FILIP1L: variants seen among roughly 807,000 people sequenced by gnomAD.
FILIP1L encodes filamin A-interacting protein 1-like.
A neutral mutation model predicts 96.6 loss-of-function variants in FILIP1L; 55 were observed. The ratio of observed to expected loss-of-function variants is 0.57; its 90% CI spans 0.46 to 0.71. The LOEUF (loss-of-function observed/expected upper bound fraction) is 0.71. Ranked by LOEUF, FILIP1L falls within the 30% of genes least tolerant of loss-of-function variation. The pLI is 0.00. For missense variants in FILIP1L, 1,304 were observed against 1,321.2 expected (o/e 0.99, Z 0.20); for synonymous variants, 467 against 473.9 (o/e 0.99, Z 0.19).
At chr3:99,995,038 C>T (rs1409273543) in intron 1 of FILIP1L, among the ~76,000 whole-genome samples, 1 of 152,168 alleles carries the variant, frequency 6.6e-6, no homozygotes, top group Non-Finnish European at 1.5e-5. Flanking sequence ...ATCATGCCTT[C>T]CCAACAGCAC....
rs1232702500 is a variant in FILIP1L, at chr3:100,098,348, C to G, written c.-11+15705G>C. On this transcript the variant is annotated intron_variant, in intron 1 of 5. Transcript: ENST00000477258. ...TTGAATGCCATTTCCACCATTTAAA[C>G]TGCTCTTTGACCTTAGGCCAGTTAC... Among the ~76,000 whole-genome samples, 2 of 152,196 alleles carry G rather than the reference C, an allele frequency of 1.3e-5. 1 individual carries two copies. Among genetic ancestry groups the G allele is most frequent in the East Asian group, 3.8e-4 (2 of 5,198 alleles).
chr3:99,894,160 G>C (rs988385396), intron 4 of FILIP1L, among the ~76,000 whole-genome samples: 2 of 152,230 alleles, frequency 1.3e-5, no homozygotes, highest in Non-Finnish European at 2.9e-5. Flanking sequence ...GCTAGGAGTT[G>C]GTTGGAGAGG....
chr3:99,954,863 G>A (rs1708275651), intron 1 of FILIP1L, among the ~76,000 whole-genome samples: 1 of 152,056 alleles, frequency 6.6e-6, no homozygotes, highest in Admixed American at 6.6e-5. Context: ...CAGACTGTTA[G>A]GATTATTGTT....
At chr3:100,001,337 C>T (rs959838273) in intron 1 of FILIP1L, among the ~76,000 whole-genome samples, 1 of 152,180 alleles carries the variant, frequency 6.6e-6, no homozygotes, top group African/African-American at 2.4e-5. Flanking sequence ...GACGCAGTGT[C>T]AGAGGTGAGT....
rs192963407 is a variant in FILIP1L, at chr3:99,949,875, G to A, written c.-10-18845C>T. ...AAAATCCATCACAATTATTACCAAG[G>A]ACATTCTTAATCAGCTGTGTGTGTG... On this transcript the variant is annotated intron_variant, in intron 1 of 5. Coordinates refer to ENST00000477258, the MANE Select transcript of FILIP1L (RefSeq NM_001387850.1). Among the ~76,000 whole-genome samples, 5 of 152,234 alleles carry A rather than the reference G, an allele frequency of 3.3e-5. No individual in the cohort carries two copies. In the East Asian group the frequency reaches 7.7e-4, roughly 23 times the overall value.
intron 1 of FILIP1L, among the ~76,000 whole-genome samples, chr3:100,103,413 A>G (rs889129425): frequency 6.6e-6 from 1 of 152,230 alleles, no homozygotes; most frequent in Admixed American, 6.5e-5. Flanking sequence ...ATGAAAGCAA[A>G]CTAGTGTTGG....
In FILIP1L at chr3:99,850,418, G is replaced by A. The variant is rs1159768883; in HGVS notation, c.1258C>T (p.Leu420Phe). ...TCCAGAGCCATAATTCTTTTACTGA[G>A]TTTTTCAACCTCTAGTTTAAAGTCT... Reference protein sequence around the residue: ...SKDFKLEVEKLSKRIMALEKL... With the variant: ...SKDFKLEVEKFSKRIMALEKL... Residue 420 changes from leucine (L) to phenylalanine (F), a missense_variant, in exon 5 of 6, where the codon CTC becomes TTC. Coordinates refer to ENST00000477258, the MANE Select transcript of FILIP1L (RefSeq NM_001387850.1). The A allele has an allele frequency of 6.2e-7, 1 of 1,613,802 alleles. No homozygotes were observed. The highest frequency in any genetic ancestry group is 8.5e-7 in the Non-Finnish European group (1 of 1,179,984).
chr3:99,831,866 A>G lies in FILIP1L; in HGVS notation c.3382-1261T>C, dbSNP rs539327490. On this transcript the variant is annotated intron_variant, in intron 5 of 5. Coordinates refer to ENST00000477258, the MANE Select transcript of FILIP1L (RefSeq NM_001387850.1). ...CCACACTTGGAAAAGTGCTGCCATA[A>G]TTGAACTTCCTTTAGATGTAAGCTT... 2.6e-5 allele frequency among the ~76,000 whole-genome samples: 4 copies of G among 152,346 alleles called. No homozygotes were observed. In the East Asian group the frequency reaches 5.8e-4, roughly 22 times the overall value.
chr3:99,974,581 C>T (rs908066161), intron 1 of FILIP1L, among the ~76,000 whole-genome samples: 2 of 152,054 alleles, frequency 1.3e-5, no homozygotes, highest in Non-Finnish European at 2.9e-5. Flanking sequence ...GTGGTGTGTG[C>T]CTGTAATCCC....
chr3:99,921,958 A>G, intron 4 of FILIP1L, among the ~76,000 whole-genome samples: 1 of 152,128 alleles, frequency 6.6e-6, no homozygotes, highest in East Asian at 1.9e-4. Context: ...CCAACATTCC[A>G]GTATAACTTC....
chr3:100,038,473 C>G (rs1485862419), intron 1 of FILIP1L, among the ~76,000 whole-genome samples: 1 of 152,102 alleles, frequency 6.6e-6, no homozygotes, highest in Admixed American at 6.5e-5. Context: ...CGGAAACAGG[C>G]AATACTACTC....
At chr3:99,947,554 C>T (rs527751268) in intron 1 of FILIP1L, among the ~76,000 whole-genome samples, 2 of 152,316 alleles carry the variant, frequency 1.3e-5, no homozygotes, top group Admixed American at 6.5e-5. Context: ...CTTCACAAAA[C>T]TGGCAGGAGT....
At chr3:100,084,409 T>G (rs1033552850) in intron 1 of FILIP1L, among the ~76,000 whole-genome samples, 1 of 152,216 alleles carries the variant, frequency 6.6e-6, no homozygotes, top group Non-Finnish European at 1.5e-5. Context: ...TGATCAAGGC[T>G]GCTTGCAAAT....
chr3:99,966,874 C>T (rs1708669243), intron 1 of FILIP1L, among the ~76,000 whole-genome samples: 1 of 152,190 alleles, frequency 6.6e-6, no homozygotes, highest in Admixed American at 6.5e-5. Flanking sequence ...CTAACTCAAG[C>T]TGGCAGAACT....
At chr3:99,957,922 T>C (rs1212155775) in intron 1 of FILIP1L, among the ~76,000 whole-genome samples, 1 of 150,834 alleles carries the variant, frequency 6.6e-6, no homozygotes, top group African/African-American at 2.4e-5. Context: ...GGAACCTGTT[T>C]AATGAAAACA....
At chr3:100,025,007 T>C (rs1159851959) in intron 1 of FILIP1L, among the ~76,000 whole-genome samples, 4 of 152,212 alleles carry the variant, frequency 2.6e-5, no homozygotes, top group Non-Finnish European at 5.9e-5. Flanking sequence ...AATATCTGTC[T>C]TGATGCTTAC....
chr3:99,964,474 C>G (rs1482890106), intron 1 of FILIP1L: 1 of 152,712 alleles, frequency 6.5e-6, no homozygotes, highest in Non-Finnish European at 1.5e-5. Context: ...AAGGTCCTGA[C>G]AGGTAAGTGA....
At chr3:99,837,267 T>C (rs1261272836) in intron 5 of FILIP1L, among the ~76,000 whole-genome samples, 1 of 152,202 alleles carries the variant, frequency 6.6e-6, no homozygotes, top group African/African-American at 2.4e-5. Flanking sequence ...TCTTGTGTTA[T>C]GGAACTTTTG....
At chr3:99,877,314 T>A (rs957808310) in intron 4 of FILIP1L, among the ~76,000 whole-genome samples, 2 of 152,216 alleles carry the variant, frequency 1.3e-5, no homozygotes, top group Admixed American at 1.3e-4. Context: ...TGTTTCCATA[T>A]GTTTTGTCAA....
Sources: allele counts gnomAD v4.1 joint callset (sites outside exome capture counted in the v4.1 genomes callset), GRCh38; gene constraint gnomAD v4.1.1; transcripts MANE v1.5; gene names NCBI Gene and HGNC (gene_info 2026-07-23, HGNC 2026-07-21).